GON7: variants seen among roughly 807,000 people sequenced by gnomAD.
GON7 encodes the protein EKC/KEOPS complex subunit GON7.
Under a neutral mutation model 7.6 loss-of-function variants are expected in GON7, and 2 were observed. That is an observed-to-expected ratio of 0.26 (90% CI 0.11 to 0.83). The LOEUF (loss-of-function observed/expected upper bound fraction) is 0.83, where lower values mean the gene tolerates loss of function less well. Among genes scored for constraint, GON7 ranks in the 40% least tolerant of loss-of-function variants. GON7 has a pLI of 0.65. For synonymous variants in GON7, 54 were observed against 56.6 expected, an observed-to-expected ratio of 0.95 and a Z score of 0.20; for missense variants, 121 against 132.2, an observed-to-expected ratio of 0.92 and a Z score of 0.42.
At position 93,203,614 on chromosome 14, in the gene GON7, TA is replaced by T; in HGVS notation, c.*73del. ...CAAATGCTTTTTCCAAATTAGAGCA[TA>T]AGTCTTCCTTAAATGTCCTAGTGTG... On this transcript the variant is annotated 3_prime_UTR_variant, in exon 2 of 2. Transcript: ENST00000306954. The T allele has an allele frequency of 7.8e-7, 1 of 1,287,302 alleles. No homozygotes were observed. Among genetic ancestry groups the T allele is most frequent in the Non-Finnish European group, 1.1e-6 (1 of 898,888 alleles). The allele number at this position is 1,287,302 out of a possible 1,614,324, so 79.7% of individuals were successfully genotyped here.
intron 1 of GON7, 47 bp downstream of exon 1, chr14:93,206,783 G>A (rs1894354131): frequency 6.4e-7 from 1 of 1,553,862 alleles, no homozygotes; most frequent in South Asian, 1.2e-5. Context: ...TTTCCCCTGG[G>A]CGCCCGCCCC....
intron 1 of GON7, among the ~76,000 whole-genome samples, chr14:93,206,515 ATAGT>A (rs1894347524): frequency 6.6e-6 from 1 of 152,112 alleles, no homozygotes; most frequent in Non-Finnish European, 1.5e-5. Flanking sequence ...CCAAATAAAT[ATAGT>A]GATAAATGCC....
In GON7 at chr14:93,203,729, A is replaced by G; in HGVS notation, c.262T>C (p.Phe88Leu). Residue 88 changes from phenylalanine to leucine, a missense_variant, in exon 2 of 2, where the codon TTC (phenylalanine) becomes CTC (leucine). Transcript: ENST00000306954. ...DENNIDNRTN[F>L]DGPSAKRPKT... ...GGCCGTTTTGCAGATGGTCCATCGA[A>G]GTTAGTTCTGTTATCAATGTTATTT... The G allele has an allele frequency of 6.2e-7, 1 of 1,614,066 alleles. No homozygotes were observed. The highest frequency in any genetic ancestry group is 8.5e-7 in the Non-Finnish European group (1 of 1,179,990).
chr14:93,206,885 C>G lies in GON7; in HGVS notation c.153G>C (p.Leu51=), dbSNP rs2140094952. The G allele has an allele frequency of 6.2e-7, 1 of 1,614,212 alleles. No individual in the cohort carries two copies. Among genetic ancestry groups the G allele is most frequent in the African/African-American group, 1.3e-5 (1 of 75,070 alleles). The change falls in exon 1 of 2, where the codon CTG becomes CTC. Residue 51 remains leucine (L), a synonymous_variant. Transcript: ENST00000306954. ...KDMVTELFDP[L]VQGEVQHRVA... is the part of the protein sequence containing the mutation. ...CCCGGTGCTGCACTTCCCCCTGTAC[C>G]AGAGGGTCGAATAATTCCGTTACCA...
intron 1 of GON7, 33 bp from the exon 2 acceptor site, chr14:93,203,815 C>A: frequency 6.5e-7 from 1 of 1,534,012 alleles, no homozygotes; most frequent in South Asian, 1.1e-5. Flanking sequence ...TATGACAATA[C>A]GTTCTATGGC....
chr14:93,202,994 T>C lies in GON7; in HGVS notation c.*694A>G, dbSNP rs1894280088. The C allele has an allele frequency of 1.3e-5, 2 of 152,344 alleles. No homozygotes were observed. Among genetic ancestry groups the C allele is most frequent in the South Asian group, 2.1e-4 (1 of 4,834 alleles). 9.4% of individuals were successfully genotyped at this position (152,344 alleles called of 1,614,324 possible). On this transcript the variant is annotated 3_prime_UTR_variant, in exon 2 of 2. Coordinates refer to ENST00000306954, the MANE Select transcript of GON7 (RefSeq NM_032490.5). ...GAGGAAATATCCAAATTGTAATCAA[T>C]GCAGATTGTTTACTTAAGGCCTTAT...
intron 1 of GON7, among the ~76,000 whole-genome samples, chr14:93,205,683 ACCTG>A (rs1303674166): frequency 6.6e-6 from 1 of 151,728 alleles, no homozygotes; most frequent in Non-Finnish European, 1.5e-5. Context: ...AAAAAAAAGT[ACCTG>A]CCTATTTCTG....
At chr14:93,204,197 T>C (rs1291151059) in intron 1 of GON7, among the ~76,000 whole-genome samples, 2 of 152,300 alleles carry the variant, frequency 1.3e-5, no homozygotes, top group Admixed American at 6.5e-5. Flanking sequence ...GGTTTCACCA[T>C]GTTGGCCAAG....
rs1415411321 is a variant in GON7, at chr14:93,203,201, CTCG to C, written c.*484_*486del. ...GGGTCTCTTTCAAGGACTCTCCTTT[CTCG>C]TCGGTATTTCTATTTCCTTATTTTC... On this transcript the variant is annotated 3_prime_UTR_variant, in exon 2 of 2. Coordinates refer to ENST00000306954, the MANE Select transcript of GON7 (RefSeq NM_032490.5). 2 of 153,218 alleles carry C rather than the reference CTCG, an allele frequency of 1.3e-5. No homozygotes were observed. The highest frequency in any genetic ancestry group is 2.9e-5 in the Non-Finnish European group (2 of 68,740). The allele number at this position is 153,218 out of a possible 1,614,324, so 9.5% of individuals were successfully genotyped here.
At chr14:93,205,464 T>G (rs1166135987) in intron 1 of GON7, among the ~76,000 whole-genome samples, 1 of 152,072 alleles carries the variant, frequency 6.6e-6, no homozygotes, top group Non-Finnish European at 1.5e-5. Context: ...GGTCAGGAGT[T>G]CGGGACCAGC....
At chr14:93,206,139 T>A (rs1353227363) in intron 1 of GON7, among the ~76,000 whole-genome samples, 1 of 151,896 alleles carries the variant, frequency 6.6e-6, no homozygotes, top group Non-Finnish European at 1.5e-5. Flanking sequence ...CCGAGTAGAG[T>A]AGCTGGGACT....
Position 93,206,956 on chromosome 14 carries a change from C to A in GON7, c.82G>T (p.Asp28Tyr), listed in dbSNP as rs753619562. ...CCAGACAACAGGCCCTGGAAAGGGT[C>A]GCCGTCACCCGGCGCCTCACAGGAC... ...RVSCEAPGDG[D>Y]PFQGLLSGVA... is the part of the protein sequence containing the mutation. The change falls in exon 1 of 2, where the codon GAC becomes TAC. Residue 28 changes from aspartate to tyrosine, a missense_variant. Asp to Tyr is a radical substitution (Grantham distance 160). Transcript: ENST00000306954. 1.9e-6 allele frequency: 3 copies of A among 1,614,240 alleles called. No individual in the cohort carries two copies. Among genetic ancestry groups the A allele is most frequent in the Non-Finnish European group, 2.5e-6 (3 of 1,180,040 alleles).
At chr14:93,205,167 T>C (rs923460367) in intron 1 of GON7, among the ~76,000 whole-genome samples, 4 of 152,248 alleles carry the variant, frequency 2.6e-5, no homozygotes, top group African/African-American at 9.6e-5. Context: ...TACACTGTTT[T>C]ACATTTCCAC....
At chr14:93,204,209 T>C (rs758061148) in intron 1 of GON7, among the ~76,000 whole-genome samples, 6 of 152,204 alleles carry the variant, frequency 3.9e-5, no homozygotes, top group African/African-American at 1.2e-4. Flanking sequence ...TTGGCCAAGA[T>C]GGTCTTGTTC....
At chr14:93,206,675 A>T (rs2140094736) in intron 1 of GON7, among the ~76,000 whole-genome samples, 155 bp downstream of exon 1, 1 of 152,136 alleles carries the variant, frequency 6.6e-6, no homozygotes, top group South Asian at 2.1e-4. Context: ...CGTGAGCCCC[A>T]CTTCGCCTAG....
Position 93,207,045 on chromosome 14 carries a change from G to T in GON7, c.-8C>A, listed in dbSNP as rs776593073. 1 of 1,612,458 alleles carries T rather than the reference G, an allele frequency of 6.2e-7. No homozygotes were observed. The highest frequency in any genetic ancestry group is 1.3e-5 in the African/African-American group (1 of 75,002). Reference sequence around the variant, plus strand: ...CTCTCCCAGCAGCTCCATGGTGACCGCTAAGCTTCCAGAACACGACACCGG... The same window carrying T: ...CTCTCCCAGCAGCTCCATGGTGACCTCTAAGCTTCCAGAACACGACACCGG... On this transcript the variant is annotated 5_prime_UTR_variant, in exon 1 of 2. Coordinates refer to ENST00000306954, the MANE Select transcript of GON7 (RefSeq NM_032490.5).
Position 93,206,819 on chromosome 14 carries a change from T to C in GON7, c.208+11A>G. The C allele has an allele frequency of 3.1e-6, 5 of 1,612,120 alleles. No homozygotes were observed. Among genetic ancestry groups the C allele is most frequent in the Non-Finnish European group, 4.2e-6 (5 of 1,179,280 alleles). ...GTCCTCCGGTCACTGCAGCACCGTC[T>C]CAGAGCTCACCGTCCAAGTCCTCGT... On this transcript the variant is annotated intron_variant, in intron 1 of 1. Coordinates refer to ENST00000306954, the MANE Select transcript of GON7 (RefSeq NM_032490.5).
At chr14:93,205,124 T>C (rs1894314889) in intron 1 of GON7, among the ~76,000 whole-genome samples, 1 of 152,244 alleles carries the variant, frequency 6.6e-6, no homozygotes, top group African/African-American at 2.4e-5. Flanking sequence ...TGTCAACTTT[T>C]TGAGGAGCTA....
At chr14:93,203,899 T>C in intron 1 of GON7, 117 bp from the exon 2 acceptor site, 1 of 615,524 alleles carries the variant, frequency 1.6e-6, no homozygotes, top group Non-Finnish European at 2.7e-6. Flanking sequence ...AACCTGCACA[T>C]TTTAGATTAA....
Sources: allele counts gnomAD v4.1 joint callset (sites outside exome capture counted in the v4.1 genomes callset), GRCh38; gene constraint gnomAD v4.1.1; transcripts MANE v1.5; gene names NCBI Gene and HGNC (gene_info 2026-07-23, HGNC 2026-07-21).